SLC24A2: variants seen among roughly 807,000 people sequenced by gnomAD.
SLC24A2 encodes the protein sodium/potassium/calcium exchanger 2.
In SLC24A2, 36 loss-of-function variants were observed where a neutral mutation model predicts 62.0. The ratio of observed to expected loss-of-function variants is 0.58; its 90% CI spans 0.44 to 0.77. The LOEUF (loss-of-function observed/expected upper bound fraction) is 0.77, where lower values mean the gene tolerates loss of function less well. Among genes scored for constraint, SLC24A2 ranks in the 30% least tolerant of loss-of-function variants. The probability of loss-of-function intolerance (pLI) is 0.00; values close to 1 mark genes in which losing one functional copy is unlikely to be tolerated. For missense variants in SLC24A2, 846 were observed against 817.9 expected (o/e 1.03, Z -0.42); for synonymous variants, 358 against 294.0 (o/e 1.22, Z -2.23).
At chr9:20,246,148 C>T in the SLC24A2 span, among the ~76,000 whole-genome samples, 1 of 146,346 alleles carries the variant, frequency 6.8e-6, no homozygotes, top group African/African-American at 2.6e-5. Flanking sequence ...GAATATAGGT[C>T]TGGCACTCAG....
At chr9:19,881,571 G>A in the SLC24A2 span, among the ~76,000 whole-genome samples, 6 of 152,252 alleles carry the variant, frequency 3.9e-5, no homozygotes, top group South Asian at 6.2e-4. Context: ...CTATGACAGC[G>A]CCTTAGAGAT....
the SLC24A2 span, among the ~76,000 whole-genome samples, chr9:20,019,889 AAC>A: frequency 5.5e-5 from 8 of 146,746 alleles, no homozygotes; most frequent in South Asian, 6.7e-4. Flanking sequence ...AAAAAAAAAA[AAC>A]CACCAAAAAG....
chr9:20,236,466 A>G, the SLC24A2 span, among the ~76,000 whole-genome samples: 1 of 152,126 alleles, frequency 6.6e-6, no homozygotes, highest in African/African-American at 2.4e-5. Context: ...TTCCATTTGT[A>G]TTGGCTAGAA....
At chr9:20,016,885 C>A in the SLC24A2 span, among the ~76,000 whole-genome samples, 4 of 152,102 alleles carry the variant, frequency 2.6e-5, no homozygotes, top group Non-Finnish European at 5.9e-5. Context: ...AGGGCTTCCA[C>A]TTGTAATTTT....
the SLC24A2 span, among the ~76,000 whole-genome samples, chr9:20,060,060 T>C: frequency 5.9e-5 from 9 of 151,970 alleles, no homozygotes; most frequent in Non-Finnish European, 1.3e-4. Context: ...CTAGATGAAA[T>C]GGACAAATTC....
chr9:20,078,322 C>T, the SLC24A2 span, among the ~76,000 whole-genome samples: 1 of 149,338 alleles, frequency 6.7e-6, no homozygotes, highest in African/African-American at 2.5e-5. Flanking sequence ...ACCCCCACTC[C>T]CCAACCCCCA....
intron 2 of SLC24A2, among the ~76,000 whole-genome samples, chr9:19,776,561 GCGGT>G (rs920621573): frequency 2.2e-4 from 34 of 152,298 alleles, no homozygotes; most frequent in African/African-American, 8.2e-4. Context: ...AAATGCTGAG[GCGGT>G]CTAGCGTCCT....
chr9:20,120,929 T>C, the SLC24A2 span, among the ~76,000 whole-genome samples: 1 of 139,844 alleles, frequency 7.2e-6, no homozygotes, highest in Non-Finnish European at 1.5e-5. Context: ...AATCAATTGA[T>C]TGTATATATA....
the SLC24A2 span, among the ~76,000 whole-genome samples, chr9:19,924,284 G>T: frequency 6.6e-6 from 1 of 152,144 alleles, no homozygotes; most frequent in African/African-American, 2.4e-5. Flanking sequence ...GCTTGTTTAG[G>T]GTGGTTGTGC....
At chr9:19,762,857 A>C (rs1242267314) in intron 2 of SLC24A2, among the ~76,000 whole-genome samples, 1 of 151,284 alleles carries the variant, frequency 6.6e-6, no homozygotes, top group African/African-American at 2.4e-5. Flanking sequence ...TCTGTGAAGA[A>C]AGTCAATGGT....
chr9:19,804,737 C>G, the SLC24A2 span, among the ~76,000 whole-genome samples: 1 of 152,090 alleles, frequency 6.6e-6, no homozygotes, highest in East Asian at 1.9e-4. Context: ...CAATCTTCCA[C>G]CATTAAGTAT....
chr9:20,290,629 C>A, the SLC24A2 span, among the ~76,000 whole-genome samples: 1 of 152,336 alleles, frequency 6.6e-6, no homozygotes, highest in African/African-American at 2.4e-5. Flanking sequence ...CCTGCAGCTC[C>A]TGCAGGTTTT....
chr9:19,579,514 T>G (rs1467679036), intron 5 of SLC24A2, among the ~76,000 whole-genome samples: 1 of 152,198 alleles, frequency 6.6e-6, no homozygotes, highest in Non-Finnish European at 1.5e-5. Context: ...AGATGATGCT[T>G]CTTCTAATAA....
chr9:20,261,158 C>T, the SLC24A2 span, among the ~76,000 whole-genome samples: 5 of 152,072 alleles, frequency 3.3e-5, no homozygotes, highest in African/African-American at 1.2e-4. Flanking sequence ...GCACCCGGCC[C>T]AATGTATCAT....
At chr9:20,105,914 T>C in the SLC24A2 span, among the ~76,000 whole-genome samples, 1 of 152,004 alleles carries the variant, frequency 6.6e-6, no homozygotes, top group Non-Finnish European at 1.5e-5. Context: ...CAGGAGCTGG[T>C]TTTTTGAAAG....
chr9:20,159,924 A>G, the SLC24A2 span, among the ~76,000 whole-genome samples: 5 of 151,638 alleles, frequency 3.3e-5, no homozygotes, highest in South Asian at 2.1e-4. Context: ...AATTATAACA[A>G]TATGACAATT....
At chr9:19,744,292 C>G (rs1293726947) in intron 2 of SLC24A2, among the ~76,000 whole-genome samples, 2 of 152,238 alleles carry the variant, frequency 1.3e-5, no homozygotes, top group Middle Eastern at 3.4e-3. Flanking sequence ...GATGGATGTT[C>G]CCATTTCTTC....
chr9:20,008,896 C>T, the SLC24A2 span, among the ~76,000 whole-genome samples: 1 of 152,162 alleles, frequency 6.6e-6, no homozygotes, highest in Admixed American at 6.5e-5. Flanking sequence ...CGGCTTCACT[C>T]TCCCCCACAG....
chr9:19,897,778 C>T, the SLC24A2 span, among the ~76,000 whole-genome samples: 2 of 152,108 alleles, frequency 1.3e-5, no homozygotes, highest in Admixed American at 6.5e-5. Context: ...ATTTACTGAA[C>T]ATCCTACAGC....
Sources: gnomAD v4.1 joint callset for allele counts (sites outside exome capture counted in the v4.1 genomes callset) on GRCh38, gnomAD v4.1.1 for gene constraint, MANE v1.5 for transcripts, NCBI Gene and HGNC (gene_info 2026-07-23, HGNC 2026-07-21) for gene names.